Variants in SUMF1 observed in about 807,000 individuals in gnomAD.
The protein encoded by SUMF1 is formylglycine-generating enzyme.
SUMF1 carries 48 observed loss-of-function variants against 47.6 expected under a neutral mutation model. The observed-to-expected ratio is 1.01, with a 90% CI of 0.80 to 1.28. The LOEUF is 1.28. Among genes scored for constraint, SUMF1 ranks in the 50% most tolerant of loss-of-function variants. The probability of loss-of-function intolerance (pLI) is 0.00; values close to 1 mark genes in which losing one functional copy is unlikely to be tolerated. For synonymous variants in SUMF1, 230 were observed against 192.1 expected (o/e 1.20, Z -1.63); for missense variants, 571 against 485.4 (o/e 1.18, Z -1.66).
intron 8 of SUMF1, among the ~76,000 whole-genome samples, chr3:4,153,937 A>G (rs1486934727): frequency 1.3e-5 from 2 of 151,732 alleles, no homozygotes; most frequent in East Asian, 3.9e-4. Context: ...ACTCCCGCCT[A>G]AGGCATCAGA....
At chr3:4,353,341 C>T (rs911843921) in intron 8 of SUMF1, among the ~76,000 whole-genome samples, 6 of 152,274 alleles carry the variant, frequency 3.9e-5, no homozygotes, top group South Asian at 2.1e-4. Flanking sequence ...CAAACTCCGC[C>T]TCCCAGGTTC....
Position 4,410,868 on chromosome 3 carries a change from G to A in SUMF1, c.951C>T (p.Asn317=), listed in dbSNP as rs375843895. 1.2e-6 allele frequency: 2 copies of A among 1,613,538 alleles called. No homozygotes were observed. The highest frequency in any genetic ancestry group is 1.3e-5 in the African/African-American group (1 of 74,906). ...ATGCTCTGTGAATAATACTCACTGG[G>A]TTAAGCGTTTCTTCAACAGAATGAT... ...TVHHSVEETL[N]PKGPPSGKDR... Residue 317 remains asparagine, a synonymous_variant, in exon 7 of 9, where the codon AAC becomes AAT. Transcript: ENST00000272902.
chr3:4,120,494 AC>A (rs1468123218), intron 8 of SUMF1, among the ~76,000 whole-genome samples: 5 of 152,140 alleles, frequency 3.3e-5, no homozygotes, highest in African/African-American at 1.2e-4. Context: ...TACAACTCTG[AC>A]CTAAAATACC....
chr3:4,366,538 A>C (rs1015766826), intron 8 of SUMF1, among the ~76,000 whole-genome samples: 4 of 149,140 alleles, frequency 2.7e-5, no homozygotes, highest in Non-Finnish European at 4.5e-5. Context: ...TTCTTCACGT[A>C]GTTCTCGAGC....
chr3:4,147,009 G>C (rs1694210971), intron 8 of SUMF1, among the ~76,000 whole-genome samples: 1 of 152,088 alleles, frequency 6.6e-6, no homozygotes, highest in African/African-American at 2.4e-5. Flanking sequence ...AGTGGGCGAA[G>C]GATATGAACA....
chr3:4,050,740 C>A (rs543514407), intron 9 of SUMF1, among the ~76,000 whole-genome samples: 2 of 126,952 alleles, frequency 1.6e-5, no homozygotes, highest in South Asian at 2.7e-4. Flanking sequence ...CAGAGTGAGA[C>A]CCTGTCTCAA....
rs191814449 is a variant in SUMF1 at position 4,276,236 on chromosome 3, A to G, written c.1014+100094T>C. Among the ~76,000 whole-genome samples the G allele has an allele frequency of 2.8e-4, 43 of 152,300 alleles. No homozygotes were observed. In the East Asian group the frequency reaches 6.9e-3, roughly 25 times the overall value. ...ACTGCTGTGGGAATGGACAGATAAT[A>G]ATATTTATTGCATTTCCTAAAACTG... is the stretch of plus-strand genomic sequence containing the variant. On this transcript the variant is annotated intron_variant and NMD_transcript_variant, in intron 8 of 12. Coordinates refer to the SUMF1 transcript ENST00000448413.
downstream of SUMF1, among the ~76,000 whole-genome samples, chr3:4,359,076 T>C (rs1699684782): frequency 6.6e-6 from 1 of 152,228 alleles, no homozygotes; most frequent in Non-Finnish European, 1.5e-5. Flanking sequence ...TTGTGTACAA[T>C]GTCACAGAAA....
chr3:4,255,435 G>A (rs879736568), intron 8 of SUMF1, among the ~76,000 whole-genome samples: 1,799 of 105,486 alleles, frequency 0.017, 17 homozygotes, highest in Non-Finnish European at 0.021. Context: ...CCAAGCAAAC[G>A]GAAAACAAAA....
chr3:4,260,184 G>T (rs1224304843), intron 8 of SUMF1, among the ~76,000 whole-genome samples: 1 of 152,112 alleles, frequency 6.6e-6, no homozygotes, highest in Admixed American at 6.6e-5. Flanking sequence ...GGGAATAGAA[G>T]AGGGCCTGAA....
At chr3:4,061,906 A>G (rs1695282266) in intron 9 of SUMF1, among the ~76,000 whole-genome samples, 1 of 152,098 alleles carries the variant, frequency 6.6e-6, no homozygotes, top group Admixed American at 6.6e-5. Flanking sequence ...GGCTACACTT[A>G]AATTAACAAC....
At chr3:4,396,565 A>G (rs1481415741) in intron 7 of SUMF1, among the ~76,000 whole-genome samples, 1 of 152,104 alleles carries the variant, frequency 6.6e-6, no homozygotes, top group East Asian at 1.9e-4. Flanking sequence ...TAGAGACCTT[A>G]TAGGGTCCTT....
intron 8 of SUMF1, among the ~76,000 whole-genome samples, chr3:4,171,657 C>G (rs1694834703): frequency 6.6e-6 from 1 of 152,132 alleles, no homozygotes; most frequent in Non-Finnish European, 1.5e-5. Context: ...CAACATTGCC[C>G]TGGCCCAAAA....
At chr3:4,157,492 GTTCTC>G in intron 8 of SUMF1, among the ~76,000 whole-genome samples, 1 of 151,514 alleles carries the variant, frequency 6.6e-6, no homozygotes, top group South Asian at 2.1e-4. Context: ...TAAATCAATA[GTTCTC>G]TTCTTAGTTT....
At chr3:4,280,971 A>T (rs902438203) in intron 8 of SUMF1, among the ~76,000 whole-genome samples, 1 of 151,824 alleles carries the variant, frequency 6.6e-6, no homozygotes, top group African/African-American at 2.4e-5. Flanking sequence ...CAAAGACCCT[A>T]TTTCCAAATA....
intron 9 of SUMF1, among the ~76,000 whole-genome samples, chr3:4,056,663 A>C (rs1695196601): frequency 6.6e-6 from 1 of 152,146 alleles, no homozygotes; most frequent in Non-Finnish European, 1.5e-5. Context: ...CTCTAAAAAA[A>C]AGCAAAAACA....
At chr3:4,431,094 A>G (rs1702218008) in intron 3 of SUMF1, among the ~76,000 whole-genome samples, 1 of 152,228 alleles carries the variant, frequency 6.6e-6, no homozygotes, top group South Asian at 2.1e-4. Context: ...TCCCTATTTG[A>G]CAAGGGAAGT....
intron 8 of SUMF1, among the ~76,000 whole-genome samples, chr3:4,071,240 GA>G (rs991930282): frequency 7.9e-5 from 12 of 152,104 alleles, no homozygotes; most frequent in African/African-American, 2.9e-4. Flanking sequence ...CGACACAGAA[GA>G]CAGGTGATTT....
intron 9 of SUMF1, among the ~76,000 whole-genome samples, chr3:4,066,004 T>G (rs1055131736): frequency 2.0e-5 from 3 of 152,036 alleles, no homozygotes; most frequent in Non-Finnish European, 4.4e-5. Context: ...TGCTCCATTG[T>G]CTAAACACAA....
Sources: allele counts gnomAD v4.1 joint callset (sites outside exome capture counted in the v4.1 genomes callset), GRCh38; gene constraint gnomAD v4.1.1; transcripts MANE v1.5; gene names NCBI Gene and HGNC (gene_info 2026-07-23, HGNC 2026-07-21).